ATE1: variants seen among roughly 807,000 people sequenced by gnomAD.
ATE1 encodes arginyltransferase 1.
A neutral mutation model predicts 70.5 loss-of-function variants in ATE1; 36 were observed. That is an observed-to-expected ratio of 0.51 (90% CI 0.39 to 0.67). The LOEUF (loss-of-function observed/expected upper bound fraction) is 0.67. Ranked by LOEUF, ATE1 falls within the 30% of genes least tolerant of loss-of-function variation. The probability of loss-of-function intolerance (pLI) is 0.00; values close to 1 mark genes in which losing one functional copy is unlikely to be tolerated. For missense variants in ATE1, 593 were observed against 629.5 expected (o/e 0.94, Z 0.62); for synonymous variants, 232 against 219.3 (o/e 1.06, Z -0.51).
intron 4 of ATE1, among the ~76,000 whole-genome samples, chr10:121,913,154 C>T (rs1269724025): frequency 1.3e-5 from 2 of 152,126 alleles, no homozygotes; most frequent in Admixed American, 6.5e-5. Context: ...GCTGGGATTA[C>T]AGGCGTGAGC....
At chr10:121,882,757 T>G (rs1479250254) in intron 7 of ATE1, among the ~76,000 whole-genome samples, 1 of 152,230 alleles carries the variant, frequency 6.6e-6, no homozygotes, top group African/African-American at 2.4e-5. Context: ...TGGGCACATT[T>G]GTTCTCAGGC....
intron 11 of ATE1, among the ~76,000 whole-genome samples, chr10:121,780,800 T>C (rs4751855): frequency 0.94 from 143,680 of 152,176 alleles, 68,063 homozygotes; most frequent in Non-Finnish European, 0.98. Flanking sequence ...TCCCTGACCT[T>C]CTACACCCCG....
intron 7 of ATE1, among the ~76,000 whole-genome samples, chr10:121,896,243 T>C (rs1325343890): frequency 6.6e-6 from 1 of 152,198 alleles, no homozygotes; most frequent in Non-Finnish European, 1.5e-5. Flanking sequence ...TTATACTTCT[T>C]ACTGGATTAC....
chr10:121,826,456 TCACCACATC>T (rs1948018039), intron 10 of ATE1, among the ~76,000 whole-genome samples: 1 of 152,044 alleles, frequency 6.6e-6, no homozygotes, highest in Admixed American at 6.6e-5. Context: ...GAGGCATGCG[TCACCACATC>T]CACTAAACGT....
rs553207456 is a variant in ATE1 at position 121,788,911 on chromosome 10, C to T, written c.1378+1258G>A. Among the ~76,000 whole-genome samples the T allele has an allele frequency of 1.6e-3, 240 of 152,308 alleles. 1 individual carries two copies. Among genetic ancestry groups the T allele is most frequent in the African/African-American group, 5.6e-3 (232 of 41,558 alleles). ...GTCTTACAAAGCCACGGCTAAATGC[C>T]GTGAGGACTACAAGGGCTGTGTGGA... On this transcript the variant is annotated intron_variant, in intron 11 of 11. Coordinates refer to ENST00000224652, the MANE Select transcript of ATE1 (RefSeq NM_001001976.3).
chr10:121,743,802 T>C lies in ATE1; in HGVS notation c.1435A>G (p.Ile479Val), dbSNP rs544531894. 4 of 1,614,060 alleles carry C rather than the reference T, an allele frequency of 2.5e-6. No individual in the cohort carries two copies. Among genetic ancestry groups the C allele is most frequent in the East Asian group, 2.2e-5 (1 of 44,876 alleles). The change falls in exon 12 of 12, where the codon ATC becomes GTC. Residue 479 changes from isoleucine (I) to valine (V), a missense_variant. Ile to Val is a conservative substitution (Grantham distance 29). This residue lies in a region of ATE1 where 90 missense variants were observed against 93.7 expected (regional missense o/e 0.96). Coordinates refer to ENST00000224652, the MANE Select transcript of ATE1 (RefSeq NM_001001976.3). ...DRLQVFHKRAIMPYGVYKKQQ... is the reference protein window; with the variant it reads ...DRLQVFHKRAVMPYGVYKKQQ... The stretch of plus-strand genomic sequence containing the variant: ...TTCTTATAAACACCGTAAGGCATGA[T>C]GGCTCTCTTGTGAAACACCTGCAAT...
Position 121,870,019 on chromosome 10 carries a change from C to T in ATE1, c.962G>A (p.Ser321Asn), listed in dbSNP as rs753561840. The change falls in exon 8 of 12, where the codon AGT becomes AAT. Residue 321 changes from serine to asparagine, a missense_variant. Ser to Asn is a conservative substitution (Grantham distance 46). This residue lies in a region of ATE1 where 467 missense variants were observed against 469.6 expected (regional missense o/e 0.99). Coordinates refer to ENST00000224652, the MANE Select transcript of ATE1 (RefSeq NM_001001976.3). ...AGTAACTCTTACCTCCAAGGGTGAA[C>T]TGCAAAGGAATCTTGTGAACTGCAG... is the stretch of plus-strand genomic sequence containing the variant. ...TESQFTRFLC[S>N]SPLEAETPPN... 6 of 1,610,636 alleles carry T rather than the reference C, an allele frequency of 3.7e-6. No homozygotes were observed. In the African/African-American group the frequency reaches 5.3e-5, roughly 14 times the overall value.
chr10:121,908,991 T>C (rs570929324), intron 5 of ATE1, among the ~76,000 whole-genome samples: 3 of 152,276 alleles, frequency 2.0e-5, no homozygotes, highest in East Asian at 1.9e-4. Flanking sequence ...CAAAAGAGAT[T>C]GTTGTTGTTG....
chr10:121,849,492 C>T (rs959753063), intron 8 of ATE1, among the ~76,000 whole-genome samples: 5 of 152,176 alleles, frequency 3.3e-5, no homozygotes, highest in African/African-American at 1.2e-4. Flanking sequence ...TCTCTCAATT[C>T]CTGTGGAAGC....
Position 121,910,968 on chromosome 10 carries a change from C to G in ATE1, c.521G>C (p.Gly174Ala). Residue 174 changes from glycine to alanine, a missense_variant, in exon 5 of 12, where the codon GGA becomes GCA. Coordinates refer to ENST00000224652, the MANE Select transcript of ATE1 (RefSeq NM_001001976.3). ...QELLQSQDFVGEKLGSGEPSH... is the reference protein window; with the variant it reads ...QELLQSQDFVAEKLGSGEPSH... Reference sequence around the variant, plus strand: ...CGGTTCACCAGAGCCCAACTTCTCTCCTACGAAATCTTGTGACTGAAGTAA... The same window carrying G: ...CGGTTCACCAGAGCCCAACTTCTCTGCTACGAAATCTTGTGACTGAAGTAA... 1 of 1,614,072 alleles carries G rather than the reference C, an allele frequency of 6.2e-7. No homozygotes were observed. Among genetic ancestry groups the G allele is most frequent in the Non-Finnish European group, 8.5e-7 (1 of 1,180,024 alleles).
chr10:121,781,474 A>T (rs1326079510), intron 11 of ATE1, among the ~76,000 whole-genome samples: 1 of 152,212 alleles, frequency 6.6e-6, no homozygotes, highest in Non-Finnish European at 1.5e-5. Flanking sequence ...CCTCAGATGT[A>T]CACCAGGTGT....
At chr10:121,798,187 G>A (rs1385041939) in intron 10 of ATE1, among the ~76,000 whole-genome samples, 10 of 152,176 alleles carry the variant, frequency 6.6e-5, no homozygotes, top group African/African-American at 1.9e-4. Flanking sequence ...TATTATATAA[G>A]AATAGTTCTC....
intron 5 of ATE1, among the ~76,000 whole-genome samples, chr10:121,904,324 G>T (rs1298748846): frequency 6.6e-6 from 1 of 150,934 alleles, no homozygotes; most frequent in Admixed American, 6.6e-5. Flanking sequence ...TTTTTTAGAA[G>T]ATATTAAAGA....
chr10:121,898,019 G>A (rs1046296905), intron 7 of ATE1, among the ~76,000 whole-genome samples: 6 of 151,690 alleles, frequency 4.0e-5, no homozygotes, highest in South Asian at 2.1e-4. Context: ...CTTACACATC[G>A]TGTCATTAAA....
intron 11 of ATE1, among the ~76,000 whole-genome samples, chr10:121,770,310 G>C (rs1945458955): frequency 6.8e-6 from 1 of 148,104 alleles, no homozygotes. Flanking sequence ...GAGACGCACA[G>C]AAAAAGAGAG....
chr10:121,816,753 C>G (rs1947559942), intron 10 of ATE1, among the ~76,000 whole-genome samples: 1 of 152,312 alleles, frequency 6.6e-6, no homozygotes, highest in South Asian at 2.1e-4. Flanking sequence ...GTTACAGCAG[C>G]ACAAATGGAC....
intron 11 of ATE1, among the ~76,000 whole-genome samples, chr10:121,786,412 T>C (rs1010687157): frequency 2.0e-5 from 3 of 152,140 alleles, no homozygotes; most frequent in Non-Finnish European, 2.9e-5. Context: ...TTCACGCCTA[T>C]AATCCTGGCA....
At chr10:121,801,949 T>C (rs1390012387) in intron 10 of ATE1, among the ~76,000 whole-genome samples, 1 of 149,904 alleles carries the variant, frequency 6.7e-6, no homozygotes, top group Admixed American at 6.6e-5. Flanking sequence ...AAAAAAAACA[T>C]GGGCCTTTTG....
At chr10:121,767,732 G>A (rs897431157) in intron 11 of ATE1, among the ~76,000 whole-genome samples, 8 of 152,154 alleles carry the variant, frequency 5.3e-5, no homozygotes, top group Admixed American at 1.3e-4. Context: ...CATTAGGATG[G>A]CTACTGTAAG....
Sources: gnomAD v4.1 joint callset for allele counts (sites outside exome capture counted in the v4.1 genomes callset) on GRCh38, gnomAD v4.1.1 for gene constraint, gnomAD v4.1.1 regional missense constraint, MANE v1.5 for transcripts, NCBI Gene and HGNC (gene_info 2026-07-23, HGNC 2026-07-21) for gene names.